The following DHCR24 variants were observed in gnomAD, a reference collection of about 807,000 sequenced individuals.
DHCR24 encodes the protein delta(24)-sterol reductase.
A neutral mutation model predicts 61.2 loss-of-function variants in DHCR24; 28 were observed. The ratio of observed to expected loss-of-function variants is 0.46; its 90% CI spans 0.34 to 0.63. The LOEUF (loss-of-function observed/expected upper bound fraction) is 0.63, where lower values mean the gene tolerates loss of function less well. Ranked by LOEUF, DHCR24 falls within the 20% of genes least tolerant of loss-of-function variation. The pLI, the probability that DHCR24 is intolerant of heterozygous loss-of-function variation, is 0.01. For synonymous variants in DHCR24, 261 were observed against 275.9 expected, an observed-to-expected ratio of 0.95 and a Z score of 0.54; for missense variants, 538 against 679.1, an observed-to-expected ratio of 0.79 and a Z score of 2.31.
chr1:54,875,908 T>C, intron 3 of DHCR24, 34 bp downstream of exon 3: 5 of 1,573,630 alleles, frequency 3.2e-6, no homozygotes, highest in Non-Finnish European at 4.4e-6. Flanking sequence ...TAGGACCGTG[T>C]GTCTCTTCTT....
At chr1:54,880,906 T>C (rs765795548) in intron 2 of DHCR24, among the ~76,000 whole-genome samples, 3 of 152,224 alleles carry the variant, frequency 2.0e-5, no homozygotes, top group Non-Finnish European at 2.9e-5. Context: ...TCTAGCACTT[T>C]GGGAGGCCAA....
intron 5 of DHCR24, among the ~76,000 whole-genome samples, chr1:54,867,097 G>C (rs1056021978): frequency 6.6e-6 from 1 of 152,180 alleles, no homozygotes; most frequent in Admixed American, 6.5e-5. Context: ...CAGATAGTCT[G>C]TCTTTTCCAG....
chr1:54,863,402 C>T (rs1035887831), intron 6 of DHCR24, among the ~76,000 whole-genome samples: 22 of 152,206 alleles, frequency 1.4e-4, no homozygotes, highest in African/African-American at 4.6e-4. Flanking sequence ...CCTTCCTAAC[C>T]TACAAGGAGC....
intron 6 of DHCR24, among the ~76,000 whole-genome samples, chr1:54,858,048 G>A (rs923645432): frequency 2.0e-5 from 3 of 152,150 alleles, no homozygotes; most frequent in Admixed American, 6.5e-5. Flanking sequence ...TCCCAGCAGA[G>A]GGGGGGAAAA....
In DHCR24 at chr1:54,851,909, A is replaced by G. The variant is rs74072036; in HGVS notation, c.*324T>C. 0.082 allele frequency: 31,553 copies of G among 384,716 alleles called. 1,505 individuals carry two copies. Among genetic ancestry groups the G allele is most frequent in the Admixed American group, 0.12 (3,022 of 25,442 alleles). 23.8% of individuals were successfully genotyped at this position (384,716 alleles called of 1,614,324 possible). The stretch of plus-strand genomic sequence containing the variant: ...ACCAGTGCTCAACTCAGATGACAAC[A>G]ACCTGCAAGTAGGTATTACTATCCC... On this transcript the variant is annotated 3_prime_UTR_variant, in exon 9 of 9. Transcript: ENST00000371269.
At chr1:54,874,803 A>G (rs1374013247) in intron 4 of DHCR24, among the ~76,000 whole-genome samples, 2 of 149,864 alleles carry the variant, frequency 1.3e-5, no homozygotes, top group Admixed American at 1.3e-4. Flanking sequence ...TCCTATCTAT[A>G]AAATAGGGAT....
intron 4 of DHCR24, among the ~76,000 whole-genome samples, chr1:54,874,239 A>G (rs964286983): frequency 4.6e-5 from 7 of 152,246 alleles, no homozygotes; most frequent in African/African-American, 1.7e-4. Flanking sequence ...AGTGGTGTAC[A>G]GTAATGTCCC....
rs1647078229 is a variant in DHCR24 at position 54,883,990 on chromosome 1, A to G, written c.232-217T>C. 6.6e-6 allele frequency among the ~76,000 whole-genome samples: 1 copy of G among 152,260 alleles called. No individual in the cohort carries two copies. Among genetic ancestry groups the G allele is most frequent in the Admixed American group, 6.5e-5 (1 of 15,280 alleles). On this transcript the variant is annotated intron_variant, in intron 1 of 8. Coordinates refer to ENST00000371269, the MANE Select transcript of DHCR24 (RefSeq NM_014762.4). The surrounding 1 kb of genome is among the most constrained non-coding windows in gnomAD (Gnocchi z 4.3). ...TATTGCTACACCACAAGGCAGAATG[A>G]TGAAAGAGCTAGAAGAGAGGATCGA...
In DHCR24 at chr1:54,875,180, T is replaced by C; in HGVS notation, c.525A>G (p.Ser175=). The C allele has an allele frequency of 1.2e-6, 2 of 1,614,166 alleles. No individual in the cohort carries two copies. Among genetic ancestry groups the C allele is most frequent in the Non-Finnish European group, 1.7e-6 (2 of 1,180,028 alleles). Residue 175 remains serine (S), a synonymous_variant, in exon 4 of 9, where the codon TCA becomes TCG. Coordinates refer to ENST00000371269, the MANE Select transcript of DHCR24 (RefSeq NM_014762.4). ...GGAACAGGCCGTACTTGTGGGATGATGACTCGATGCCTGTGCCCATGATCA... is the reference window on the plus strand; with the variant it reads ...GGAACAGGCCGTACTTGTGGGATGACGACTCGATGCCTGTGCCCATGATCA... ...GGLIMGTGIE[S]SSHKYGLFQH... is the part of the protein sequence containing the mutation.
chr1:54,871,851 C>T (rs1647001840), intron 4 of DHCR24, among the ~76,000 whole-genome samples: 1 of 151,994 alleles, frequency 6.6e-6, no homozygotes, highest in South Asian at 2.1e-4. Context: ...AGAGCATCCT[C>T]CTTCTCCCAT....
chr1:54,863,521 G>A (rs1013530896), intron 6 of DHCR24, among the ~76,000 whole-genome samples: 1 of 152,182 alleles, frequency 6.6e-6, no homozygotes, highest in African/African-American at 2.4e-5. Context: ...ATGCAGCCTT[G>A]CTGGGACACC....
In DHCR24 at chr1:54,852,283, C is replaced by T. The variant is rs1294124712; in HGVS notation, c.1501G>A (p.Asp501Asn). ...TTGTCGTACACCTCGGGGAAGGCGT[C>T]CTGGCAACCCAGCTTCTCTCGCAGC... ...HKLREKLGCQDAFPEVYDKIC... is the reference protein window; with the variant it reads ...HKLREKLGCQNAFPEVYDKIC... The change falls in exon 9 of 9, where the codon GAC (aspartate) becomes AAC (asparagine). Residue 501 changes from aspartate to asparagine, a missense_variant. By Grantham distance (23) the Asp-to-Asn change is conservative. Coordinates refer to ENST00000371269, the MANE Select transcript of DHCR24 (RefSeq NM_014762.4). 1.2e-6 allele frequency: 2 copies of T among 1,614,230 alleles called. No individual in the cohort carries two copies. Among genetic ancestry groups the T allele is most frequent in the South Asian group, 2.2e-5 (2 of 91,086 alleles).
chr1:54,853,561 C>G lies in DHCR24; in HGVS notation c.1270G>C (p.Val424Leu). The G allele has an allele frequency of 6.2e-7, 1 of 1,614,130 alleles. No homozygotes were observed. The highest frequency in any genetic ancestry group is 8.5e-7 in the Non-Finnish European group (1 of 1,180,018). ...TCTGCCTCATTTCCTTTGGGGTGCA[C>G]TAGGCCTGGCTGGCTGGGCAGGATG... ...PFILPSQPGL[V>L]HPKGNEAELY... The change falls in exon 8 of 9, where the codon GTG (valine) becomes CTG (leucine). Residue 424 changes from valine to leucine, a missense_variant. Coordinates refer to ENST00000371269, the MANE Select transcript of DHCR24 (RefSeq NM_014762.4).
At chr1:54,861,404 TCA>T (rs2101562111) in intron 6 of DHCR24, among the ~76,000 whole-genome samples, 1 of 152,240 alleles carries the variant, frequency 6.6e-6, no homozygotes, top group South Asian at 2.1e-4. Flanking sequence ...TGCCCTACAT[TCA>T]CAGTCTCCAT....
At position 54,868,928 on chromosome 1, in the gene DHCR24, G is replaced by T. The variant is rs140741538; in HGVS notation, c.876+2422C>A. ...CTAAAAATACCAAAATCAGCCAGGT[G>T]CAGTGGCATGCGCCTGTATTCCCAG... On this transcript the variant is annotated intron_variant, in intron 5 of 8. Coordinates refer to ENST00000371269, the MANE Select transcript of DHCR24 (RefSeq NM_014762.4). Among the ~76,000 whole-genome samples the T allele has an allele frequency of 1.2e-4, 18 of 152,244 alleles. No individual in the cohort carries two copies. In the East Asian group the frequency reaches 2.7e-3, roughly 23 times the overall value.
rs552190695 is a variant in DHCR24 at position 54,868,994 on chromosome 1, G to C, written c.876+2356C>G. ...AGACAGGAGAATTGCTTGAGCCTGG[G>C]AGGTGGAGGTTGCAGTGAGCCAAGA... On this transcript the variant is annotated intron_variant, in intron 5 of 8. Coordinates refer to ENST00000371269, the MANE Select transcript of DHCR24 (RefSeq NM_014762.4). Among the ~76,000 whole-genome samples the C allele has an allele frequency of 5.3e-5, 8 of 152,290 alleles. No individual in the cohort carries two copies. The South Asian group carries it at 1.7e-3, about 32-fold the overall frequency.
intron 1 of DHCR24, 113 bp downstream of exon 1, chr1:54,886,776 C>A (rs993279280): frequency 3.9e-6 from 6 of 1,519,776 alleles, no homozygotes; most frequent in Non-Finnish European, 2.6e-6. Flanking sequence ...CCCCACCCCC[C>A]CAGGAAGTCC....
At chr1:54,861,376 C>T (rs929944785) in intron 6 of DHCR24, among the ~76,000 whole-genome samples, 14 of 152,080 alleles carry the variant, frequency 9.2e-5, no homozygotes, top group African/African-American at 2.9e-4. Flanking sequence ...GTTTGCTGAC[C>T]CCTAGGCTCT....
chr1:54,885,653 G>C (rs1403721763), intron 1 of DHCR24, among the ~76,000 whole-genome samples: 2 of 146,900 alleles, frequency 1.4e-5, no homozygotes, highest in Non-Finnish European at 3.1e-5. Context: ...AGTCCAGCTG[G>C]GCCCCTGTTT....
Sources: gnomAD v4.1 joint callset for allele counts (sites outside exome capture counted in the v4.1 genomes callset) on GRCh38, gnomAD v4.1.1 for gene constraint, Gnocchi (gnomAD v3.1) non-coding constraint, MANE v1.5 for transcripts, NCBI Gene and HGNC (gene_info 2026-07-23, HGNC 2026-07-21) for gene names.